Variants in AXDND1 observed in about 807,000 individuals in gnomAD.
AXDND1 encodes the protein axonemal dynein light chain domain-containing protein 1.
AXDND1 carries 110 observed loss-of-function variants against 137.5 expected under a neutral mutation model. That is an observed-to-expected ratio of 0.80 (90% CI 0.69 to 0.94). The LOEUF (loss-of-function observed/expected upper bound fraction) is 0.94, where lower values mean the gene tolerates loss of function less well. Ranked by LOEUF, AXDND1 falls within the 40% of genes least tolerant of loss-of-function variation. The pLI is 0.00. For missense variants in AXDND1, 1,191 were observed against 1,169.8 expected, an observed-to-expected ratio of 1.02 and a Z score of -0.26; for synonymous variants, 414 against 399.7, an observed-to-expected ratio of 1.04 and a Z score of -0.43.
chr1:179,484,185 A>G (rs1665757347), intron 18 of AXDND1, among the ~76,000 whole-genome samples: 1 of 152,196 alleles, frequency 6.6e-6, no homozygotes, highest in South Asian at 2.1e-4. Context: ...AGACAGCAGG[A>G]TATCCCAGGA....
chr1:179,507,909 T>C (rs1668684747), intron 20 of AXDND1, among the ~76,000 whole-genome samples: 1 of 152,224 alleles, frequency 6.6e-6, no homozygotes, highest in Non-Finnish European at 1.5e-5. Context: ...TAAGATACCA[T>C]TCTAACCCTC....
At chr1:179,485,860 G>A (rs1249896782) in intron 18 of AXDND1, among the ~76,000 whole-genome samples, 2 of 152,118 alleles carry the variant, frequency 1.3e-5, no homozygotes, top group Admixed American at 6.5e-5. Context: ...GCTTATGCCT[G>A]TAATCCCAGC....
chr1:179,418,596 G>A (rs202196017), intron 12 of AXDND1, among the ~76,000 whole-genome samples: 14,133 of 151,130 alleles, frequency 0.094, 986 homozygotes, highest in East Asian at 0.34. Context: ...CCTCCCGGAC[G>A]GGGCGGCTGG....
chr1:179,395,376 T>C (rs778566258), intron 11 of AXDND1, among the ~76,000 whole-genome samples, 174 bp downstream of exon 11: 1 of 152,212 alleles, frequency 6.6e-6, no homozygotes, highest in Non-Finnish European at 1.5e-5. Flanking sequence ...AGGTAAAACA[T>C]GATTTTTTCT....
chr1:179,462,362 A>G (rs1236117542), intron 16 of AXDND1, among the ~76,000 whole-genome samples: 2 of 152,198 alleles, frequency 1.3e-5, no homozygotes, highest in African/African-American at 4.8e-5. Context: ...CGATTTTCAT[A>G]TGTTGAGCCA....
chr1:179,486,343 T>C (rs1034263017), intron 18 of AXDND1, among the ~76,000 whole-genome samples: 2 of 151,966 alleles, frequency 1.3e-5, no homozygotes, highest in African/African-American at 4.8e-5. Flanking sequence ...AAATATCAAA[T>C]ATACAACTCA....
At chr1:179,417,337 G>A (rs1460674195) in intron 12 of AXDND1, among the ~76,000 whole-genome samples, 2 of 152,090 alleles carry the variant, frequency 1.3e-5, no homozygotes, top group Admixed American at 1.3e-4. Flanking sequence ...CCATGCAGAA[G>A]GTTTGTAGCT....
At chr1:179,386,114 C>T (rs1399201803) in intron 9 of AXDND1, among the ~76,000 whole-genome samples, 4 of 140,808 alleles carry the variant, frequency 2.8e-5, no homozygotes, top group Admixed American at 7.5e-5. Flanking sequence ...TGCAATGGCG[C>T]GATCTCGGCT....
At chr1:179,401,517 G>A (rs12741680) in intron 11 of AXDND1, among the ~76,000 whole-genome samples, 150,942 of 152,268 alleles carry the variant, frequency 0.99, 74,831 homozygotes, top group Middle Eastern at 1. Context: ...ATGTACCTAA[G>A]ATCTAAATTC....
intron 12 of AXDND1, among the ~76,000 whole-genome samples, chr1:179,417,191 C>CTTTT (rs141201555): frequency 2.1e-5 from 3 of 143,568 alleles, no homozygotes; most frequent in African/African-American, 7.7e-5. Flanking sequence ...ACTATCTCCT[C>CTTTT]TTTTTTTTTT....
chr1:179,451,256 A>G (rs1660504510), intron 16 of AXDND1: 1 of 151,196 alleles, frequency 6.6e-6, no homozygotes, highest in Non-Finnish European at 1.5e-5. Context: ...TACGGACTTA[A>G]CCTGCTCTTT....
At chr1:179,492,108 C>G (rs1171544364) in intron 19 of AXDND1, among the ~76,000 whole-genome samples, 1 of 152,156 alleles carries the variant, frequency 6.6e-6, no homozygotes, top group Admixed American at 6.5e-5. Context: ...GAGTTTTCTT[C>G]TGTCACCGAG....
intron 16 of AXDND1, among the ~76,000 whole-genome samples, chr1:179,463,041 T>C (rs1662590741): frequency 6.6e-6 from 1 of 152,216 alleles, no homozygotes; most frequent in South Asian, 2.1e-4. Flanking sequence ...TAGCAGTCTA[T>C]CAATTTTGTT....
In AXDND1 at chr1:179,488,848, C is replaced by T. The variant is rs756984485; in HGVS notation, c.2092-2690C>T. Among the ~76,000 whole-genome samples, 16 of 145,592 alleles carry T rather than the reference C, an allele frequency of 1.1e-4. 3 individuals are homozygous for T. Among genetic ancestry groups the T allele is most frequent in the African/African-American group, 1.6e-4 (6 of 37,378 alleles). Reference sequence around the variant, plus strand: ...CTCCTGGATTCAAGTGATTCTCCTGCCTCAGCCTCCCAAGTAGCTGGAATT... The same window carrying T: ...CTCCTGGATTCAAGTGATTCTCCTGTCTCAGCCTCCCAAGTAGCTGGAATT... On this transcript the variant is annotated intron_variant, in intron 18 of 25. Coordinates refer to ENST00000367618, the MANE Select transcript of AXDND1 (RefSeq NM_144696.6).
intron 20 of AXDND1, among the ~76,000 whole-genome samples, chr1:179,506,084 T>G (rs969293292): frequency 6.6e-6 from 1 of 152,158 alleles, no homozygotes; most frequent in African/African-American, 2.4e-5. Context: ...ATACAAGAAC[T>G]ACTGCAGCCT....
At chr1:179,443,003 G>A (rs1409722851) in intron 15 of AXDND1, among the ~76,000 whole-genome samples, 2 of 152,138 alleles carry the variant, frequency 1.3e-5, no homozygotes, top group African/African-American at 4.8e-5. Flanking sequence ...GGGGGGCGGT[G>A]ATTGTCGAGT....
At chr1:179,476,843 A>T (rs1293605380) in intron 17 of AXDND1, among the ~76,000 whole-genome samples, 2 of 152,070 alleles carry the variant, frequency 1.3e-5, no homozygotes, top group Non-Finnish European at 2.9e-5. Context: ...ACCTCTTTGT[A>T]TTTATCTTAC....
intron 6 of AXDND1, among the ~76,000 whole-genome samples, chr1:179,381,227 A>G (rs1367851009): frequency 6.6e-6 from 1 of 151,218 alleles, no homozygotes; most frequent in East Asian, 1.9e-4. Context: ...TTTTTGGTAG[A>G]AACAGGGTTT....
At chr1:179,457,124 G>A in intron 16 of AXDND1, 1 of 1,029,202 alleles carries the variant, frequency 9.7e-7, no homozygotes, top group Non-Finnish European at 1.5e-6. Flanking sequence ...TGCATTCATG[G>A]CTGCATCCAC....
Sources: allele counts gnomAD v4.1 joint callset (sites outside exome capture counted in the v4.1 genomes callset), GRCh38; gene constraint gnomAD v4.1.1; transcripts MANE v1.5; gene names NCBI Gene and HGNC (gene_info 2026-07-23, HGNC 2026-07-21).